The following STK3 variants were observed in gnomAD, a reference collection of about 807,000 sequenced individuals.
STK3 encodes serine/threonine kinase 3.
STK3 carries 41 observed loss-of-function variants against 58.0 expected under a neutral mutation model. The observed-to-expected ratio is 0.71, with a 90% CI of 0.55 to 0.92. The LOEUF (loss-of-function observed/expected upper bound fraction) is 0.92. STK3 is among the 40% of genes least tolerant of loss of function. The pLI is 0.00. For missense variants in STK3, 479 were observed against 602.7 expected (o/e 0.79, Z 2.15); for synonymous variants, 170 against 191.0 (o/e 0.89, Z 0.91).
At position 98,455,734 on chromosome 8, in the gene STK3, T is replaced by C; in HGVS notation, c.*108A>G. On this transcript the variant is annotated 3_prime_UTR_variant, in exon 11 of 11. Coordinates refer to ENST00000419617, the MANE Select transcript of STK3 (RefSeq NM_006281.4). ...TGTACCATTGTCACTTTTTGACCTC[T>C]GCCTAATTGTAGGGCAAAATCTTAG... is the stretch of plus-strand genomic sequence containing the variant. 7.2e-7 allele frequency: 1 copy of C among 1,386,460 alleles called. No individual in the cohort carries two copies. Among genetic ancestry groups the C allele is most frequent in the Admixed American group, 2.3e-5 (1 of 43,854 alleles). 85.9% of individuals were successfully genotyped at this position (1,386,460 alleles called of 1,614,324 possible). A position where few individuals can be genotyped will look rare whatever the true frequency, so the allele number is the denominator to read the frequency against.
chr8:98,554,614 T>G (rs897119884), intron 8 of STK3, among the ~76,000 whole-genome samples: 2 of 152,118 alleles, frequency 1.3e-5, no homozygotes, highest in African/African-American at 4.8e-5. Flanking sequence ...TAATCTAATT[T>G]ACAAATTGAC....
chr8:98,885,506 C>A (rs1019234795), intron 1 of STK3, among the ~76,000 whole-genome samples: 11 of 152,332 alleles, frequency 7.2e-5, no homozygotes, highest in African/African-American at 2.4e-4. Flanking sequence ...ATGGCGCGAT[C>A]TCGGCTCACA....
At chr8:98,618,312 T>G (rs1184784916) in intron 6 of STK3, among the ~76,000 whole-genome samples, 6 of 146,890 alleles carry the variant, frequency 4.1e-5, no homozygotes, top group African/African-American at 1.0e-4. Context: ...TGGGACGTAT[T>G]TCAAAATAAT....
intron 2 of STK3, 28 bp from the exon 3 acceptor site, chr8:98,767,399 T>A (rs969912946): frequency 1.3e-6 from 2 of 1,560,560 alleles, no homozygotes; most frequent in Admixed American, 4.3e-5. Flanking sequence ...ATTATTTTTT[T>A]CCTATCAAAC....
chr8:98,365,994 T>A, the STK3 span, among the ~76,000 whole-genome samples: 1 of 152,204 alleles, frequency 6.6e-6, no homozygotes, highest in African/African-American at 2.4e-5. Flanking sequence ...ATAAAACATG[T>A]ACAGGAATTT....
At chr8:98,721,154 C>T (rs1452726930) in intron 4 of STK3, 2 of 973,024 alleles carry the variant, frequency 2.1e-6, no homozygotes, top group Non-Finnish European at 2.4e-6. Flanking sequence ...AAAACAGATG[C>T]TTAATTCTGC....
At chr8:98,817,545 CA>C (rs1834634446) in intron 1 of STK3, among the ~76,000 whole-genome samples, 1 of 151,844 alleles carries the variant, frequency 6.6e-6, no homozygotes, top group African/African-American at 2.4e-5. Context: ...CATTTTAGGC[CA>C]ATCAGATTCA....
At chr8:98,767,119 CT>C (rs1422509179) in intron 3 of STK3, 123 bp downstream of exon 3, 2 of 1,208,550 alleles carry the variant, frequency 1.7e-6, no homozygotes, top group Non-Finnish European at 2.2e-6. Flanking sequence ...AAAACCCTGT[CT>C]CAAAAAAAAG....
intron 1 of STK3, among the ~76,000 whole-genome samples, chr8:98,933,223 CAG>C (rs1432338557): frequency 6.6e-6 from 1 of 152,170 alleles, no homozygotes; most frequent in Non-Finnish European, 1.5e-5. Context: ...TCCTATGTAT[CAG>C]TTGTGTACAT....
At chr8:98,730,082 T>C (rs1323844412) in intron 4 of STK3, among the ~76,000 whole-genome samples, 3 of 152,226 alleles carry the variant, frequency 2.0e-5, no homozygotes, top group Non-Finnish European at 4.4e-5. Flanking sequence ...CATATTTCTG[T>C]TGTTATTTTA....
At chr8:98,507,765 C>T (rs1563680337) in intron 10 of STK3, among the ~76,000 whole-genome samples, 1 of 152,182 alleles carries the variant, frequency 6.6e-6, no homozygotes, top group African/African-American at 2.4e-5. Context: ...AAGGAAGCTT[C>T]CACTTCAGAG....
At chr8:98,811,596 TA>T (rs567178137) in intron 1 of STK3, among the ~76,000 whole-genome samples, 9,041 of 140,334 alleles carry the variant, frequency 0.064, 689 homozygotes, top group African/African-American at 0.19. Flanking sequence ...TGAATACTGT[TA>T]AAAAAAAAAA....
At chr8:98,733,798 C>T (rs1474653435) in intron 4 of STK3, among the ~76,000 whole-genome samples, 1 of 152,140 alleles carries the variant, frequency 6.6e-6, no homozygotes, top group Non-Finnish European at 1.5e-5. Context: ...GTGAACAGCA[C>T]TGGGCCTAAA....
chr8:98,826,125 T>A (rs1280545308), upstream of STK3, among the ~76,000 whole-genome samples: 35 of 152,164 alleles, frequency 2.3e-4, no homozygotes, highest in Admixed American at 2.3e-3. Context: ...CCCTCTGAGC[T>A]GGCCCAGAGC....
chr8:98,794,595 A>G (rs989084296), intron 1 of STK3, among the ~76,000 whole-genome samples: 2 of 152,180 alleles, frequency 1.3e-5, no homozygotes, highest in African/African-American at 4.8e-5. Context: ...CAGATGTACA[A>G]AGAAGGGCTG....
In STK3 at chr8:98,620,095, A is replaced by C. The variant is rs1233263846; in HGVS notation, c.685-23926T>G. ...TGTCCAACAATGATAGACTGGATTA[A>C]GAAAATGTGGCACATATACACCATG... On this transcript the variant is annotated intron_variant, in intron 6 of 10. Transcript: ENST00000419617. 6.0e-3 allele frequency among the ~76,000 whole-genome samples: 416 copies of C among 68,978 alleles called. 7 individuals are homozygous for C. The highest frequency in any genetic ancestry group is 0.022 in the African/African-American group (380 of 16,942). 45.3% of individuals were successfully genotyped at this position (68,978 alleles called of 152,430 possible).
chr8:98,556,442 C>T (rs1287941678), intron 8 of STK3, among the ~76,000 whole-genome samples: 1 of 151,890 alleles, frequency 6.6e-6, no homozygotes, highest in Non-Finnish European at 1.5e-5. Context: ...ATTAAGATGC[C>T]CTTGCTCCTT....
chr8:98,836,205 G>GAA, intron 3 of STK3, among the ~76,000 whole-genome samples: 1 of 144,970 alleles, frequency 6.9e-6, no homozygotes, highest in African/African-American at 2.5e-5. Context: ...TGTCTCAACA[G>GAA]AAAAAAAAAA....
chr8:98,824,993 C>T (rs974903553), intron 1 of STK3, among the ~76,000 whole-genome samples: 7 of 152,218 alleles, frequency 4.6e-5, no homozygotes, highest in African/African-American at 1.7e-4. Context: ...TGTATGCATA[C>T]ATTTCCAACA....
Sources: allele counts gnomAD v4.1 joint callset (sites outside exome capture counted in the v4.1 genomes callset), GRCh38; gene constraint gnomAD v4.1.1; transcripts MANE v1.5; gene names NCBI Gene and HGNC (gene_info 2026-07-23, HGNC 2026-07-21).